The following RNF180 variants were observed in gnomAD, a reference collection of about 807,000 sequenced individuals.
RNF180 encodes the protein E3 ubiquitin-protein ligase RNF180.
Under a neutral mutation model 59.2 loss-of-function variants are expected in RNF180, and 38 were observed. The ratio of observed to expected loss-of-function variants is 0.64; its 90% CI spans 0.50 to 0.84. The LOEUF (loss-of-function observed/expected upper bound fraction) is 0.84, where lower values mean the gene tolerates loss of function less well. Ranked by LOEUF, RNF180 falls within the 40% of genes least tolerant of loss-of-function variation. The probability of loss-of-function intolerance (pLI) is 0.00; values close to 1 mark genes in which losing one functional copy is unlikely to be tolerated. For synonymous variants in RNF180, 262 were observed against 240.3 expected (o/e 1.09, Z -0.84); for missense variants, 705 against 700.9 (o/e 1.01, Z -0.07).
intron 5 of RNF180, among the ~76,000 whole-genome samples, chr5:64,262,574 G>GA (rs78732599): frequency 0.023 from 3,543 of 152,088 alleles, 127 homozygotes; most frequent in African/African-American, 0.075. Flanking sequence ...GTTAAATAAT[G>GA]AAAAAATCCT....
chr5:64,166,738 C>T lies in RNF180; in HGVS notation c.-1+785C>T, dbSNP rs542624524. 3.9e-5 allele frequency among the ~76,000 whole-genome samples: 6 copies of T among 152,206 alleles called. No homozygotes were observed. In the South Asian group the frequency reaches 1.2e-3, roughly 32 times the overall value. ...GGTTACTATTATCCCATTTTATAGA[C>T]CAGACAGCTGAGGCACCCAAGAGGC... On this transcript the variant is annotated intron_variant, in intron 1 of 7. Coordinates refer to ENST00000389100, the MANE Select transcript of RNF180 (RefSeq NM_001113561.2).
intron 5 of RNF180, among the ~76,000 whole-genome samples, chr5:64,248,363 C>T (rs1342684985): frequency 6.6e-6 from 1 of 152,144 alleles, no homozygotes; most frequent in African/African-American, 2.4e-5. Flanking sequence ...ATCCATCTGA[C>T]AAAGGGCTAA....
At chr5:64,349,534 A>G (rs1351457697) in intron 7 of RNF180, among the ~76,000 whole-genome samples, 2 of 151,430 alleles carry the variant, frequency 1.3e-5, no homozygotes, top group Non-Finnish European at 2.9e-5. Context: ...GCACCCATTA[A>G]CTCATCATTT....
rs190108897 is a variant in RNF180, at chr5:64,321,674, C to T, written c.1228-3512C>T. ...AATTAGAAAAAACTACTTTAAATTT[C>T]ATAAGGAACCAAAAAAGGGCCCGTA... On this transcript the variant is annotated intron_variant, in intron 5 of 7. Transcript: ENST00000389100. Among the ~76,000 whole-genome samples, 722 of 152,200 alleles carry T rather than the reference C, an allele frequency of 4.7e-3. 5 individuals are homozygous for T. The highest frequency in any genetic ancestry group is 0.017 in the African/African-American group (698 of 41,528).
chr5:64,190,361 A>G (rs1751080734), intron 1 of RNF180, among the ~76,000 whole-genome samples: 1 of 152,196 alleles, frequency 6.6e-6, no homozygotes, highest in Non-Finnish European at 1.5e-5. Flanking sequence ...TATACATTGC[A>G]TGCTTTCACA....
At chr5:64,266,147 A>C (rs556886718) in intron 5 of RNF180, among the ~76,000 whole-genome samples, 217 of 152,322 alleles carry the variant, frequency 1.4e-3, no homozygotes, top group Admixed American at 5.3e-3. Context: ...TTCCAGATAT[A>C]CAATCATGTT....
intron 2 of RNF180, among the ~76,000 whole-genome samples, chr5:64,206,067 A>G (rs556763347): frequency 1.3e-5 from 2 of 152,330 alleles, no homozygotes; most frequent in African/African-American, 4.8e-5. Flanking sequence ...ATACTGCACA[A>G]TTCTAGAGGG....
chr5:64,292,493 C>A (rs770091953), intron 5 of RNF180, among the ~76,000 whole-genome samples: 1 of 152,188 alleles, frequency 6.6e-6, no homozygotes, highest in African/African-American at 2.4e-5. Flanking sequence ...CAGCCTGCTT[C>A]TTCCTCTGGG....
chr5:64,170,514 C>T (rs1176975085), intron 1 of RNF180, among the ~76,000 whole-genome samples: 1 of 152,150 alleles, frequency 6.6e-6, no homozygotes, highest in Non-Finnish European at 1.5e-5. Flanking sequence ...CAGGACAGAT[C>T]CAACACTCTG....
chr5:64,185,793 G>C (rs968826198), intron 1 of RNF180, among the ~76,000 whole-genome samples: 2 of 152,194 alleles, frequency 1.3e-5, no homozygotes, highest in Non-Finnish European at 2.9e-5. Flanking sequence ...AGTAGAGGAA[G>C]AATCAGATGT....
At chr5:64,367,667 C>A (rs1028342316) in intron 7 of RNF180, among the ~76,000 whole-genome samples, 3 of 151,584 alleles carry the variant, frequency 2.0e-5, no homozygotes, top group African/African-American at 7.3e-5. Context: ...TAAATGCAAC[C>A]TTGCCATCAG....
chr5:64,369,896 GT>G lies in RNF180; in HGVS notation c.*89del, dbSNP rs1303297387. 7 of 778,656 alleles carry G rather than the reference GT, an allele frequency of 9.0e-6. No homozygotes were observed. The highest frequency in any genetic ancestry group is 3.7e-5 in the Admixed American group (1 of 26,852). The allele number at this position is 778,656 out of a possible 1,614,324, so 48.2% of individuals were successfully genotyped here. A position where few individuals can be genotyped will look rare whatever the true frequency, so the allele number is the denominator to read the frequency against. On this transcript the variant is annotated 3_prime_UTR_variant, in exon 8 of 8. Coordinates refer to ENST00000389100, the MANE Select transcript of RNF180 (RefSeq NM_001113561.2). ...TAAACATTTTTAAATGTGCTTTGAAGTTTTTTTAATGTTGCATTATACAAAT... is the reference window on the plus strand; with the variant it reads ...TAAACATTTTTAAATGTGCTTTGAAGTTTTTTAATGTTGCATTATACAAAT...
chr5:64,344,648 G>A (rs1356072231), intron 7 of RNF180, among the ~76,000 whole-genome samples: 2 of 152,086 alleles, frequency 1.3e-5, no homozygotes, highest in African/African-American at 4.8e-5. Flanking sequence ...CAGTGCTTTG[G>A]AGTGGAATTG....
chr5:64,328,925 C>T (rs1254531468), intron 6 of RNF180, among the ~76,000 whole-genome samples: 1 of 152,162 alleles, frequency 6.6e-6, no homozygotes, highest in Non-Finnish European at 1.5e-5. Flanking sequence ...TAGTAACTAG[C>T]TCTGCACCAG....
chr5:64,189,324 G>A (rs556614982), intron 1 of RNF180, among the ~76,000 whole-genome samples: 1 of 152,224 alleles, frequency 6.6e-6, no homozygotes, highest in South Asian at 2.1e-4. Flanking sequence ...GAAGAGTTTT[G>A]ATGCCTCTGT....
At chr5:64,247,705 A>G (rs9763082) in intron 5 of RNF180, among the ~76,000 whole-genome samples, 8 of 152,178 alleles carry the variant, frequency 5.3e-5, no homozygotes, top group Admixed American at 3.3e-4. Context: ...TATAGATTCA[A>G]TGCTATCCTC....
chr5:64,242,653 A>G (rs1742872081), intron 5 of RNF180, among the ~76,000 whole-genome samples: 1 of 152,228 alleles, frequency 6.6e-6, no homozygotes, highest in Non-Finnish European at 1.5e-5. Context: ...ATAAAGGGAA[A>G]GAAAGCTTAT....
chr5:64,280,127 T>C (rs1038606363), intron 5 of RNF180, among the ~76,000 whole-genome samples: 5 of 152,234 alleles, frequency 3.3e-5, no homozygotes, highest in Non-Finnish European at 5.9e-5. Context: ...TATGTCTTCT[T>C]TTGACAAGTG....
chr5:64,223,199 GC>G (rs1383811467), intron 5 of RNF180, among the ~76,000 whole-genome samples: 1 of 151,972 alleles, frequency 6.6e-6, no homozygotes, highest in Non-Finnish European at 1.5e-5. Flanking sequence ...TTGGCTTGTG[GC>G]CCCCTTCCAG....
Sources: allele counts gnomAD v4.1 joint callset (sites outside exome capture counted in the v4.1 genomes callset), GRCh38; gene constraint gnomAD v4.1.1; transcripts MANE v1.5; gene names NCBI Gene and HGNC (gene_info 2026-07-23, HGNC 2026-07-21).